The following MCF2L variants were observed in gnomAD, a reference collection of about 807,000 sequenced individuals.
MCF2L encodes MCF.2 cell line derived transforming sequence like, also known as guanine nucleotide exchange factor DBS.
A neutral mutation model predicts 153.4 loss-of-function variants in MCF2L; 97 were observed. The observed-to-expected ratio is 0.63, with a 90% CI of 0.54 to 0.75. The LOEUF is 0.75. MCF2L is among the 30% of genes least tolerant of loss of function. MCF2L has a pLI of 0.00. For synonymous variants in MCF2L, 659 were observed against 632.2 expected (o/e 1.04, Z -0.64); for missense variants, 1,347 against 1,495.2 (o/e 0.90, Z 1.64).
At chr13:113,014,318 G>A (rs946559234) in intron 1 of MCF2L, among the ~76,000 whole-genome samples, 8 of 152,370 alleles carry the variant, frequency 5.3e-5, no homozygotes, top group South Asian at 2.1e-4. Flanking sequence ...TCCATGGCCA[G>A]GTTTTCCTCC....
chr13:112,996,835 G>T (rs958861314), intron 1 of MCF2L, among the ~76,000 whole-genome samples: 1 of 152,222 alleles, frequency 6.6e-6, no homozygotes, highest in Non-Finnish European at 1.5e-5. Flanking sequence ...GGGCTGTGTT[G>T]TGTTGTCTGC....
Position 113,075,051 on chromosome 13 carries a change from G to A in MCF2L, c.1170G>A (p.Gly390=), listed in dbSNP as rs1373490133. Residue 390 remains glycine, a synonymous_variant, in exon 11 of 30, where the codon GGG becomes GGA. Transcript: ENST00000535094. ...CTCTGGACGGCGAGCAGCTCATTGG[G>A]AACAAGCACTACGCGGTAGACTCCA... ...ALSLDGEQLI[G]NKHYAVDSIR... 1 of 1,613,390 alleles carries A rather than the reference G, an allele frequency of 6.2e-7. No individual in the cohort carries two copies. Among genetic ancestry groups the A allele is most frequent in the Non-Finnish European group, 8.5e-7 (1 of 1,179,658 alleles).
At chr13:112,899,290 C>T (rs935086247) in intron 1 of MCF2L, among the ~76,000 whole-genome samples, 2 of 152,214 alleles carry the variant, frequency 1.3e-5, no homozygotes, top group Non-Finnish European at 2.9e-5. Flanking sequence ...GCCTGGCTCT[C>T]GGTCCAGCCT....
intron 1 of MCF2L, among the ~76,000 whole-genome samples, chr13:113,006,912 T>TAGC (rs2083739834): frequency 6.6e-6 from 1 of 152,038 alleles, no homozygotes; most frequent in African/African-American, 2.4e-5. Flanking sequence ...GGGTACTGTG[T>TAGC]AGCGGGTAGG....
At chr13:113,084,212 C>T in intron 18 of MCF2L, 145 bp downstream of exon 18, 1 of 725,702 alleles carries the variant, frequency 1.4e-6, no homozygotes, top group Non-Finnish European at 2.4e-6. Context: ...CATGATGCTC[C>T]TGTACCCCTA....
intron 2 of MCF2L, among the ~76,000 whole-genome samples, chr13:112,905,822 G>C (rs771385884): frequency 6.6e-6 from 1 of 152,192 alleles, no homozygotes; most frequent in Non-Finnish European, 1.5e-5. Context: ...CTCTGCTATT[G>C]TGAATAACAC....
At chr13:113,019,478 C>CTG (rs1341199526) in intron 2 of MCF2L, among the ~76,000 whole-genome samples, 4 of 152,202 alleles carry the variant, frequency 2.6e-5, no homozygotes, top group Admixed American at 6.5e-5. Flanking sequence ...TTTGCCCTTG[C>CTG]TGGAGAGAAA....
Position 113,027,258 on chromosome 13 carries a change from T to C in MCF2L, c.278+2500T>C, listed in dbSNP as rs569635342. Among the ~76,000 whole-genome samples the C allele has an allele frequency of 3.9e-4, 59 of 152,218 alleles. No homozygotes were observed. Among genetic ancestry groups the C allele is most frequent in the African/African-American group, 1.4e-3 (58 of 41,540 alleles). ...CGGCCTGACCTGGAAAGCAGCACATTGATCCCCTGATAAATATCACATAAC... is the reference window on the plus strand; with the variant it reads ...CGGCCTGACCTGGAAAGCAGCACATCGATCCCCTGATAAATATCACATAAC... On this transcript the variant is annotated intron_variant, in intron 3 of 29. Transcript: ENST00000535094. The surrounding 1 kb of genome is among the most constrained non-coding windows in gnomAD (Gnocchi z 4.8).
rs1380032306 is a variant in MCF2L at position 112,969,482 on chromosome 13, G to A, written c.79+24G>A. The A allele has an allele frequency of 6.5e-7, 1 of 1,550,112 alleles. No individual in the cohort carries two copies. Among genetic ancestry groups the A allele is most frequent in the South Asian group, 1.2e-5 (1 of 84,050 alleles). On this transcript the variant is annotated intron_variant, in intron 1 of 29. Coordinates refer to ENST00000535094, the MANE Select transcript of MCF2L (RefSeq NM_001112732.3). This position sits in a 1 kb window ranked among gnomAD's most constrained non-coding sequence, Gnocchi z 4.8. ...GGGTAGGAGGAGCTGCTGGCCGTCA[G>A]TGATCTGTGCTTAAGCTTGACATCA...
chr13:112,971,724 T>A (rs1325487095), intron 1 of MCF2L, among the ~76,000 whole-genome samples: 7 of 152,218 alleles, frequency 4.6e-5, no homozygotes, highest in Admixed American at 3.9e-4. Flanking sequence ...AGAATTGACA[T>A]TTTATATACT....
At position 113,074,544 on chromosome 13, in the gene MCF2L, G is replaced by C; in HGVS notation, c.1097G>C (p.Ser366Thr). The change falls in exon 10 of 30, where the codon AGC becomes ACC. Residue 366 changes from serine (S) to threonine (T), a missense_variant. By Grantham distance (58) the Ser-to-Thr change is moderately conservative. This residue lies in a region of MCF2L where 820 missense variants were observed against 921.2 expected (regional missense o/e 0.89). Coordinates refer to ENST00000535094, the MANE Select transcript of MCF2L (RefSeq NM_001112732.3). The surrounding 1 kb of genome is among the most constrained non-coding windows in gnomAD (Gnocchi z 4.2). ...GAGCACCTGCTGAGGGACCTGGCCA[G>C]CTTCGAGGAGAAATCAGGCGTAAGG... ...HVEHLLRDLA[S>T]FEEKSGVAVE... The C allele has an allele frequency of 6.2e-7, 1 of 1,613,942 alleles. No homozygotes were observed. Among genetic ancestry groups the C allele is most frequent in the Middle Eastern group, 1.6e-4 (1 of 6,062 alleles).
rs368703516 is a variant in MCF2L at position 113,077,892 on chromosome 13, A to G, written c.1661-471A>G. Among the ~76,000 whole-genome samples, 40 of 152,336 alleles carry G rather than the reference A, an allele frequency of 2.6e-4. No homozygotes were observed. In the East Asian group the frequency reaches 7.0e-3, roughly 26 times the overall value. ...GTCAATCTCAGGGGCCCCGGGGGCC[A>G]GGCTCTTGCCTTCCTGTGCTGGGTC... On this transcript the variant is annotated intron_variant, in intron 13 of 29. Transcript: ENST00000535094.
chr13:112,960,223 G>GC lies in MCF2L; in HGVS notation c.170-54540_170-54539insC, dbSNP rs1205158802. ...AAGATTGAGGGGCTGCATCTGGTGA[G>GC]GGCCCCTGAGCTGCGTCTTTCCAAG... On this transcript the variant is annotated intron_variant, in intron 2 of 29. Transcript: ENST00000375608. The surrounding 1 kb of genome is among the most constrained non-coding windows in gnomAD (Gnocchi z 4.2). Among the ~76,000 whole-genome samples the GC allele has an allele frequency of 1.3e-5, 2 of 152,204 alleles. No individual in the cohort carries two copies. The highest frequency in any genetic ancestry group is 4.8e-5 in the African/African-American group (2 of 41,440).
At chr13:112,962,369 T>C (rs985547873) in intron 2 of MCF2L, among the ~76,000 whole-genome samples, 6 of 152,192 alleles carry the variant, frequency 3.9e-5, no homozygotes, top group Admixed American at 6.5e-5. Flanking sequence ...GGATTTTCCA[T>C]CTAGTGAGGT....
chr13:112,951,270 T>C lies in MCF2L; in HGVS notation c.169+48899T>C, dbSNP rs1217083090. ...TTGCTGGTGGGAATGTAAAATAGTATAGCCACTTTGGAAAACAATTTAGCA... is the reference window on the plus strand; with the variant it reads ...TTGCTGGTGGGAATGTAAAATAGTACAGCCACTTTGGAAAACAATTTAGCA... On this transcript the variant is annotated intron_variant, in intron 2 of 29. Transcript: ENST00000375608. The surrounding 1 kb of genome is among the most constrained non-coding windows in gnomAD (Gnocchi z 4.8). Among the ~76,000 whole-genome samples the C allele has an allele frequency of 6.6e-6, 1 of 152,196 alleles. No individual in the cohort carries two copies. Among genetic ancestry groups the C allele is most frequent in the East Asian group, 1.9e-4 (1 of 5,200 alleles).
intron 4 of MCF2L, among the ~76,000 whole-genome samples, chr13:113,050,459 CTCTT>C (rs2141598788): frequency 6.6e-6 from 1 of 151,618 alleles, no homozygotes. Flanking sequence ...GGCCACAACT[CTCTT>C]TCCTGTAACG....
intron 26 of MCF2L, among the ~76,000 whole-genome samples, chr13:113,091,690 G>A (rs1017509751): frequency 7.9e-5 from 12 of 151,802 alleles, no homozygotes; most frequent in Non-Finnish European, 1.0e-4. Context: ...CTCCTTTCCC[G>A]GGCCGACGAG....
chr13:113,063,584 A>T (rs187912041), intron 5 of MCF2L, among the ~76,000 whole-genome samples: 27 of 152,332 alleles, frequency 1.8e-4, no homozygotes, highest in African/African-American at 6.3e-4. Context: ...CTTTGCAAGC[A>T]GTCAGACGGG....
At chr13:113,049,548 G>A (rs1393474758) in intron 4 of MCF2L, among the ~76,000 whole-genome samples, 2 of 152,230 alleles carry the variant, frequency 1.3e-5, no homozygotes, top group African/African-American at 4.8e-5. Context: ...CCTTGACAGC[G>A]AGCTTTGGCT....
Sources: allele counts gnomAD v4.1 joint callset (sites outside exome capture counted in the v4.1 genomes callset), GRCh38; gene constraint gnomAD v4.1.1; regional missense constraint gnomAD v4.1.1; non-coding constraint Gnocchi (gnomAD v3.1); transcripts MANE v1.5; gene names NCBI Gene and HGNC (gene_info 2026-07-23, HGNC 2026-07-21).